The following MANBA variants were observed in gnomAD, a reference collection of about 807,000 sequenced individuals.
MANBA encodes beta-mannosidase.
In MANBA, 83 loss-of-function variants were observed where a neutral mutation model predicts 111.1. The observed-to-expected ratio is 0.75, with a 90% confidence interval of 0.63 to 0.90. The LOEUF (loss-of-function observed/expected upper bound fraction) is 0.90, where lower values mean the gene tolerates loss of function less well. Ranked by LOEUF, MANBA falls within the 40% of genes least tolerant of loss-of-function variation. The probability of loss-of-function intolerance (pLI) is 0.00; values close to 1 mark genes in which losing one functional copy is unlikely to be tolerated. For missense variants in MANBA, 1,036 were observed against 1,069.0 expected (o/e 0.97, Z 0.43); for synonymous variants, 370 against 378.7 (o/e 0.98, Z 0.27).
At chr4:102,673,334 C>G (rs1388522833) in intron 8 of MANBA, among the ~76,000 whole-genome samples, 1 of 151,892 alleles carries the variant, frequency 6.6e-6, no homozygotes, top group African/African-American at 2.4e-5. Context: ...TAGTGAAACC[C>G]CATCTCTACT....
intron 7 of MANBA, chr4:102,679,672 A>C (rs1196087658): frequency 6.6e-6 from 1 of 152,156 alleles, no homozygotes; most frequent in East Asian, 1.9e-4. Context: ...CATGTTCAAC[A>C]AAGGGTATAG....
At chr4:102,641,654 C>T (rs1005974101) in intron 13 of MANBA, among the ~76,000 whole-genome samples, 1 of 152,062 alleles carries the variant, frequency 6.6e-6, no homozygotes, top group Non-Finnish European at 1.5e-5. Flanking sequence ...ATGACCATGG[C>T]CCCTATAAAC....
At chr4:102,635,355 A>G (rs1339249696) in intron 15 of MANBA, among the ~76,000 whole-genome samples, 1 of 152,236 alleles carries the variant, frequency 6.6e-6, no homozygotes, top group Non-Finnish European at 1.5e-5. Flanking sequence ...ACCTATTTTC[A>G]GTGTTATTAG....
In MANBA at chr4:102,714,570, T is replaced by A; in HGVS notation, c.550-9A>T. The A allele has an allele frequency of 6.2e-7, 1 of 1,606,360 alleles. No homozygotes were observed. Among genetic ancestry groups the A allele is most frequent in the Non-Finnish European group, 8.5e-7 (1 of 1,173,014 alleles). ...CTAAAGGAACATTGCTCCTGCAATT[T>A]CAAGGAGAAAAAGAAGATATATTCT... is the stretch of plus-strand genomic sequence containing the variant. On this transcript the variant is annotated splice_polypyrimidine_tract_variant and intron_variant, in intron 4 of 16. Coordinates refer to ENST00000647097, the MANE Select transcript of MANBA (RefSeq NM_005908.4).
At chr4:102,751,654 A>G (rs1193546385) in intron 1 of MANBA, 1 of 542,122 alleles carries the variant, frequency 1.8e-6, no homozygotes, top group African/African-American at 1.9e-5. Context: ...GAAATAGAAT[A>G]TGTGAAGTAC....
At position 102,690,638 on chromosome 4, in the gene MANBA, T is replaced by C. The variant is rs151274894; in HGVS notation, c.807A>G (p.Gln269=). The change falls in exon 6 of 17, where the codon CAA becomes CAG. Residue 269 remains glutamine (Q), a synonymous_variant. Coordinates refer to ENST00000647097, the MANE Select transcript of MANBA (RefSeq NM_005908.4). ...QTQQTYSIEL[Q]PGKRIVELFV... is the part of the protein sequence containing the mutation. The stretch of plus-strand genomic sequence containing the variant: ...ATAGCTCAACAATCCTTTTCCCAGG[T>C]TGAAGTTCAATGCTGTATGTCTGTT... 1.5e-4 allele frequency: 245 copies of C among 1,612,710 alleles called. No individual in the cohort carries two copies. Among genetic ancestry groups the C allele is most frequent in the Non-Finnish European group, 2.0e-4 (239 of 1,179,128 alleles).
chr4:102,713,338 C>A (rs1722167588), intron 5 of MANBA, among the ~76,000 whole-genome samples: 1 of 152,190 alleles, frequency 6.6e-6, no homozygotes, highest in African/African-American at 2.4e-5. Context: ...CAAATCCTCA[C>A]TGATCTTTGA....
At chr4:102,751,894 C>A in intron 1 of MANBA, 1 of 599,928 alleles carries the variant, frequency 1.7e-6, no homozygotes. Context: ...TCTATGGATC[C>A]AACTATTCTC....
At chr4:102,643,122 C>T (rs978269647) in intron 13 of MANBA, among the ~76,000 whole-genome samples, 1 of 152,170 alleles carries the variant, frequency 6.6e-6, no homozygotes, top group Non-Finnish European at 1.5e-5. Context: ...CCCATCCTCC[C>T]CTCTCCCCGG....
At chr4:102,657,224 G>GGGC in intron 12 of MANBA, among the ~76,000 whole-genome samples, 1 of 122,692 alleles carries the variant, frequency 8.2e-6, no homozygotes, top group South Asian at 3.5e-4. Context: ...GAGTGGGGTG[G>GGGC]GGGGGGGGTG....
In MANBA at chr4:102,674,174, A is replaced by T. The variant is rs146095543; in HGVS notation, c.961-104T>A. On this transcript the variant is annotated intron_variant, in intron 7 of 16. Transcript: ENST00000647097. Reference sequence around the variant, plus strand: ...TTGAAAAACTACATTCAGTAGTTTAATGCTAATTTTCCTATTTACTATGAA... The same window carrying T: ...TTGAAAAACTACATTCAGTAGTTTATTGCTAATTTTCCTATTTACTATGAA... 3 of 825,010 alleles carry T rather than the reference A, an allele frequency of 3.6e-6. No homozygotes were observed. In the East Asian group the frequency reaches 7.9e-5, roughly 22 times the overall value. 51.1% of individuals were successfully genotyped at this position (825,010 alleles called of 1,614,324 possible). A position where few individuals can be genotyped will look rare whatever the true frequency, so the allele number is the denominator to read the frequency against.
chr4:102,701,129 C>T (rs1489185257), intron 5 of MANBA, among the ~76,000 whole-genome samples: 3 of 151,988 alleles, frequency 2.0e-5, no homozygotes, highest in Non-Finnish European at 2.9e-5. Context: ...TTCTTTGTCT[C>T]TTTTGATCTT....
At chr4:102,636,303 G>A (rs145203188) in intron 14 of MANBA, among the ~76,000 whole-genome samples, 1 of 152,114 alleles carries the variant, frequency 6.6e-6, no homozygotes, top group Non-Finnish European at 1.5e-5. Flanking sequence ...AAACCAAGAT[G>A]GTATAGCCTA....
intron 2 of MANBA, among the ~76,000 whole-genome samples, chr4:102,724,262 T>C (rs1378910927): frequency 6.6e-6 from 1 of 152,192 alleles, no homozygotes; most frequent in Admixed American, 6.5e-5. Flanking sequence ...AAAGCTATTA[T>C]GAGAACCAAG....
At chr4:102,643,862 C>T (rs911176908) in intron 13 of MANBA, among the ~76,000 whole-genome samples, 7 of 152,078 alleles carry the variant, frequency 4.6e-5, no homozygotes, top group Non-Finnish European at 1.0e-4. Context: ...TTCTCGATAG[C>T]GTCTTTTGCC....
At chr4:102,755,659 G>A (rs1424879830) in intron 1 of MANBA, among the ~76,000 whole-genome samples, 2 of 152,188 alleles carry the variant, frequency 1.3e-5, no homozygotes, top group African/African-American at 4.8e-5. Context: ...CACAGCAAAA[G>A]AAACTACCAT....
intron 1 of MANBA, among the ~76,000 whole-genome samples, chr4:102,747,529 C>A (rs1448071177): frequency 6.6e-6 from 1 of 152,170 alleles, no homozygotes; most frequent in Non-Finnish European, 1.5e-5. Flanking sequence ...TCGTATCTTT[C>A]AATCCAATCA....
intron 15 of MANBA, 55 bp downstream of exon 15, chr4:102,635,810 A>G (rs762064740): frequency 1.5e-5 from 23 of 1,537,146 alleles, no homozygotes; most frequent in Non-Finnish European, 2.1e-5. Flanking sequence ...CCAAACAACT[A>G]AAGAAATCAT....
At chr4:102,649,912 A>G (rs1292611928) in intron 13 of MANBA, among the ~76,000 whole-genome samples, 1 of 152,050 alleles carries the variant, frequency 6.6e-6, no homozygotes, top group Non-Finnish European at 1.5e-5. Flanking sequence ...AGTTTCTAAA[A>G]TTTATTATTA....
Sources: allele counts gnomAD v4.1 joint callset (sites outside exome capture counted in the v4.1 genomes callset), GRCh38; gene constraint gnomAD v4.1.1; transcripts MANE v1.5; gene names NCBI Gene and HGNC (gene_info 2026-07-23, HGNC 2026-07-21).